The following SLC22A23 variants were observed in gnomAD, a reference collection of about 807,000 sequenced individuals.
SLC22A23 encodes the protein solute carrier family 22 member 23, also known as ion transporter protein.
A neutral mutation model predicts 61.0 loss-of-function variants in SLC22A23; 26 were observed. The observed-to-expected ratio is 0.43, with a 90% CI of 0.31 to 0.59. SLC22A23 has a LOEUF of 0.59. SLC22A23 is among the 20% of genes least tolerant of loss of function. SLC22A23 has a pLI of 0.11. For missense variants in SLC22A23, 796 were observed against 934.7 expected (o/e 0.85, Z 1.94); for synonymous variants, 430 against 413.9 (o/e 1.04, Z -0.47).
chr6:3,352,442 G>C (rs1764830062), intron 3 of SLC22A23, among the ~76,000 whole-genome samples: 1 of 151,852 alleles, frequency 6.6e-6, no homozygotes, highest in Non-Finnish European at 1.5e-5. Flanking sequence ...GACACACACA[G>C]ACACATATTG....
intron 3 of SLC22A23, among the ~76,000 whole-genome samples, chr6:3,347,960 G>A (rs980648524): frequency 3.3e-5 from 5 of 152,282 alleles, no homozygotes; most frequent in Middle Eastern, 3.4e-3. Flanking sequence ...CTGTCTCTGC[G>A]TGGTGATGTG....
At chr6:3,369,050 C>CTT (rs34847864) in intron 3 of SLC22A23, among the ~76,000 whole-genome samples, 2 of 147,504 alleles carry the variant, frequency 1.4e-5, no homozygotes, top group African/African-American at 5.0e-5. Context: ...GTGAGGTTTA[C>CTT]TTTTTTTTTT....
In SLC22A23 at chr6:3,372,254, G is replaced by A. The variant is rs914111109; in HGVS notation, c.913+37934C>T. On this transcript the variant is annotated intron_variant, in intron 3 of 9. Transcript: ENST00000406686. The surrounding 1 kb of genome is among the most constrained non-coding windows in gnomAD (Gnocchi z 4.7). ...AGTCTGAAGCAGGGTAAACACCATC[G>A]GGCCAGTAAATCTTGTCCATCTAGT... 1.3e-5 allele frequency among the ~76,000 whole-genome samples: 2 copies of A among 152,188 alleles called. No individual in the cohort carries two copies. Among genetic ancestry groups the A allele is most frequent in the African/African-American group, 2.4e-5 (1 of 41,456 alleles).
intron 3 of SLC22A23, among the ~76,000 whole-genome samples, chr6:3,348,596 C>T (rs1764581169): frequency 6.6e-6 from 1 of 152,186 alleles, no homozygotes. Flanking sequence ...GGCAATCACA[C>T]GAGCATCCAC....
intron 9 of SLC22A23, chr6:3,283,581 A>G: frequency 2.3e-6 from 1 of 426,404 alleles, no homozygotes; most frequent in Non-Finnish European, 4.4e-6. Flanking sequence ...CCAGACGCTC[A>G]GACACTGACA....
intron 4 of SLC22A23, among the ~76,000 whole-genome samples, chr6:3,300,628 G>T (rs1361416318): frequency 1.3e-5 from 2 of 152,214 alleles, no homozygotes; most frequent in South Asian, 2.1e-4. Context: ...ATCATCCAGG[G>T]TAAGGTATTT....
chr6:3,351,018 T>C (rs1410161755), intron 3 of SLC22A23, among the ~76,000 whole-genome samples: 1 of 152,130 alleles, frequency 6.6e-6, no homozygotes, highest in African/African-American at 2.4e-5. Context: ...TACTAACTTA[T>C]AATGGTGAGC....
intron 3 of SLC22A23, among the ~76,000 whole-genome samples, chr6:3,388,765 G>A (rs1767466246): frequency 6.6e-6 from 1 of 152,180 alleles, no homozygotes; most frequent in Non-Finnish European, 1.5e-5. Context: ...GTCCCGAGCT[G>A]CAGTGTGATG....
intron 3 of SLC22A23, among the ~76,000 whole-genome samples, chr6:3,374,770 C>G (rs1368670050): frequency 1.3e-5 from 2 of 152,176 alleles, no homozygotes; most frequent in Admixed American, 6.5e-5. Flanking sequence ...TCACCCAGCA[C>G]AGCCAGCCCT....
chr6:3,441,133 C>T (rs576975320), intron 1 of SLC22A23, among the ~76,000 whole-genome samples: 117 of 152,268 alleles, frequency 7.7e-4, no homozygotes, highest in Non-Finnish European at 2.2e-4. Flanking sequence ...CAGGTAGGAC[C>T]ATGGGGCCTA....
rs1190416003 is a variant in SLC22A23, at chr6:3,297,341, G to A, written c.1210+750C>T. On this transcript the variant is annotated intron_variant, in intron 5 of 9. Coordinates refer to ENST00000406686, the MANE Select transcript of SLC22A23 (RefSeq NM_015482.2). The surrounding 1 kb of genome is among the most constrained non-coding windows in gnomAD (Gnocchi z 4.3). ...AGCAACAATTTATCCCAGGTCTTCA[G>A]TGAGGGCAGTGAGTCAGAGCTTGGG... Among the ~76,000 whole-genome samples the A allele has an allele frequency of 6.6e-6, 1 of 152,342 alleles. No homozygotes were observed. The highest frequency in any genetic ancestry group is 1.9e-4 in the East Asian group (1 of 5,188).
At chr6:3,348,267 G>A (rs987252816) in intron 3 of SLC22A23, among the ~76,000 whole-genome samples, 3 of 152,318 alleles carry the variant, frequency 2.0e-5, no homozygotes, top group Admixed American at 6.5e-5. Context: ...ATTGGTTTCT[G>A]ACCATGGCCT....
chr6:3,395,714 T>G (rs897943619), intron 3 of SLC22A23, among the ~76,000 whole-genome samples: 12 of 152,064 alleles, frequency 7.9e-5, no homozygotes, highest in Non-Finnish European at 1.6e-4. Flanking sequence ...ATGGCAAAAT[T>G]ACGCAAAAAG....
chr6:3,352,324 C>T (rs1278567157), intron 3 of SLC22A23, among the ~76,000 whole-genome samples: 4 of 151,876 alleles, frequency 2.6e-5, no homozygotes, highest in Middle Eastern at 3.2e-3. Context: ...CACACACAGA[C>T]ATGCACAGAC....
intron 1 of SLC22A23, among the ~76,000 whole-genome samples, chr6:3,431,725 T>C (rs995717353): frequency 6.6e-6 from 1 of 152,002 alleles, no homozygotes; most frequent in African/African-American, 2.4e-5. Flanking sequence ...CTAGGGACAA[T>C]ATGAGGCCAA....
intron 3 of SLC22A23, among the ~76,000 whole-genome samples, chr6:3,402,248 C>A (rs1373680515): frequency 6.6e-6 from 1 of 152,220 alleles, no homozygotes; most frequent in Non-Finnish European, 1.5e-5. Flanking sequence ...TCCTCTTTGG[C>A]CTGCTCACAC....
At chr6:3,312,349 A>T (rs1304470506) in intron 4 of SLC22A23, 1 of 152,198 alleles carries the variant, frequency 6.6e-6, no homozygotes, top group Non-Finnish European at 1.5e-5. Context: ...TAAGGCACAC[A>T]GAGCCTTCGA....
At chr6:3,290,761 C>A (rs959834687) in intron 5 of SLC22A23, 1 of 152,552 alleles carries the variant, frequency 6.6e-6, no homozygotes. Context: ...TCTGCTTGCA[C>A]GTCTGGGAGC....
chr6:3,359,276 A>G (rs959701701), intron 3 of SLC22A23, among the ~76,000 whole-genome samples: 3 of 152,116 alleles, frequency 2.0e-5, no homozygotes, highest in African/African-American at 7.2e-5. Flanking sequence ...TCAGGCAGAT[A>G]ACAGATGCTG....
Sources: allele counts gnomAD v4.1 joint callset (sites outside exome capture counted in the v4.1 genomes callset), GRCh38; gene constraint gnomAD v4.1.1; non-coding constraint Gnocchi (gnomAD v3.1); transcripts MANE v1.5; gene names NCBI Gene and HGNC (gene_info 2026-07-23, HGNC 2026-07-21).